The following RHBG variants were observed in gnomAD, a reference collection of about 807,000 sequenced individuals.
The protein encoded by RHBG is Rh family B glycoprotein.
A neutral mutation model predicts 40.1 loss-of-function variants in RHBG; 39 were observed. The observed-to-expected ratio is 0.97, with a 90% CI of 0.75 to 1.27. The LOEUF is 1.27. Among genes scored for constraint, RHBG ranks in the 50% most tolerant of loss-of-function variants. RHBG has a pLI of 0.00. For missense variants in RHBG, 549 were observed against 588.1 expected (o/e 0.93, Z 0.69); for synonymous variants, 237 against 252.5 (o/e 0.94, Z 0.58).
In RHBG at chr1:156,378,404, G is replaced by A; in HGVS notation, c.673+5G>A. 6.3e-7 allele frequency: 1 copy of A among 1,587,872 alleles called. No individual in the cohort carries two copies. Among genetic ancestry groups the A allele is most frequent in the South Asian group, 1.2e-5 (1 of 86,950 alleles). On this transcript the variant is annotated splice_donor_5th_base_variant and intron_variant, in intron 4 of 9. Transcript: ENST00000537040. ...CAGACCTCTTCGCCATGATTGGTGA[G>A]GCCTTCGAGGTGCGGTAGCAGGGCA...
Position 156,369,384 on chromosome 1 carries a change from G to T in RHBG, c.135G>T (p.Trp45Cys). The change falls in exon 1 of 10, where the codon TGG becomes TGT. Residue 45 changes from tryptophan to cysteine, a missense_variant. This residue lies in a region of RHBG where 99 missense variants were observed against 85.2 expected (regional missense o/e 1.16). Transcript: ENST00000537040. ...ACCACAAAACCGACGCTGCCCTCTG[G>T]CACCGGAGCAACCACAGTAACGCGG... is the stretch of plus-strand genomic sequence containing the variant. ...RYNHKTDAAL[W>C]HRSNHSNADN... is the part of the protein sequence containing the mutation. 4.3e-6 allele frequency: 7 copies of T among 1,614,118 alleles called. No homozygotes were observed. The highest frequency in any genetic ancestry group is 5.9e-6 in the Non-Finnish European group (7 of 1,180,006).
chr1:156,377,898 C>CCCAAAA lies in RHBG; in HGVS notation c.375-92_375-91insCCAAAA. On this transcript the variant is annotated intron_variant, in intron 2 of 9. Coordinates refer to ENST00000537040, the MANE Select transcript of RHBG (RefSeq NM_020407.5). The surrounding 1 kb of genome is among the most constrained non-coding windows in gnomAD (Gnocchi z 4.6). ...AGAACTCCAACCCCACCCCACCCACCACATCATGCTGTCCTGGCTTCATGC... is the reference window on the plus strand; with the variant it reads ...AGAACTCCAACCCCACCCCACCCACCCCAAAAACATCATGCTGTCCTGGCTTCATGC... The CCCAAAA allele has an allele frequency of 7.6e-7, 1 of 1,308,002 alleles. No individual in the cohort carries two copies. The highest frequency in any genetic ancestry group is 1.0e-6 in the Non-Finnish European group (1 of 958,498). The allele number at this position is 1,308,002 out of a possible 1,614,324, so 81.0% of individuals were successfully genotyped here. A position where few individuals can be genotyped will look rare whatever the true frequency, so the allele number is the denominator to read the frequency against.
At chr1:156,383,004 A>G in intron 8 of RHBG, 135 bp downstream of exon 8, 1 of 1,267,508 alleles carries the variant, frequency 7.9e-7, no homozygotes, top group Non-Finnish European at 1.1e-6. Flanking sequence ...GTTAAGGGGT[A>G]ACCAACCTCC....
At chr1:156,383,032 A>G (rs1253437907) in intron 8 of RHBG, among the ~76,000 whole-genome samples, 163 bp downstream of exon 8, 2 of 152,230 alleles carry the variant, frequency 1.3e-5, no homozygotes, top group Non-Finnish European at 2.9e-5. Flanking sequence ...ACAGAGGTGC[A>G]TGCAGGTGCT....
rs370660351 is a variant in RHBG at position 156,369,351 on chromosome 1, C to T, written c.102C>T (p.Val34=). ...CTGCCGTCCTCTTTGCTGTCTTTGT[C>T]CGCTACAACCACAAAACCGACGCTG... The part of the protein sequence containing the change: ...GATAVLFAVF[V]RYNHKTDAAL... The change falls in exon 1 of 10, where the codon GTC becomes GTT. Residue 34 remains valine (V), a synonymous_variant. Coordinates refer to ENST00000537040, the MANE Select transcript of RHBG (RefSeq NM_020407.5). 1.2e-6 allele frequency: 2 copies of T among 1,614,224 alleles called. No homozygotes were observed. Among genetic ancestry groups the T allele is most frequent in the African/African-American group, 1.3e-5 (1 of 75,070 alleles).
intron 1 of RHBG, among the ~76,000 whole-genome samples, chr1:156,373,214 G>A (rs1020022376): frequency 2.0e-5 from 3 of 152,092 alleles, no homozygotes; most frequent in East Asian, 1.9e-4. Flanking sequence ...TTGAAGCCAG[G>A]AGTTTGAGGC....
intron 1 of RHBG, among the ~76,000 whole-genome samples, chr1:156,374,185 C>T (rs775373729): frequency 6.6e-6 from 1 of 152,022 alleles, no homozygotes; most frequent in Non-Finnish European, 1.5e-5. Context: ...TGTGAGGGAT[C>T]TAGATTGTGC....
In RHBG at chr1:156,383,608, A is replaced by G. The variant is rs138246004; in HGVS notation, c.1234+739A>G. 4.0e-3 allele frequency among the ~76,000 whole-genome samples: 605 copies of G among 150,028 alleles called. 3 individuals carry two copies. Among genetic ancestry groups the G allele is most frequent in the African/African-American group, 0.014 (580 of 40,552 alleles). ...TACACTCTTTTAAAAAGAGATTCCC[A>G]GGTGATTTGATTGCATGTTAACGTC... On this transcript the variant is annotated intron_variant, in intron 8 of 9. Coordinates refer to ENST00000537040, the MANE Select transcript of RHBG (RefSeq NM_020407.5).
intron 4 of RHBG, among the ~76,000 whole-genome samples, chr1:156,380,657 C>T (rs1430075929): frequency 7.4e-6 from 1 of 135,994 alleles, no homozygotes; most frequent in Non-Finnish European, 1.5e-5. Flanking sequence ...ACCTGGGAGG[C>T]AGAGATTGCA....
At position 156,377,318 on chromosome 1, in the gene RHBG, G is replaced by A; in HGVS notation, c.205G>A (p.Ala69Thr). The A allele has an allele frequency of 6.2e-7, 1 of 1,614,152 alleles. No homozygotes were observed. Among genetic ancestry groups the A allele is most frequent in the South Asian group, 1.1e-5 (1 of 91,082 alleles). The stretch of plus-strand genomic sequence containing the variant: ...CGCTGCAGGCTTCCAGGACGTGCAT[G>A]CCATGGTCTTCGTGGGCTTTGGCTT... ...FRYPSFQDVH[A>T]MVFVGFGFLM... Residue 69 changes from alanine to threonine, a missense_variant, in exon 2 of 10, where the codon GCC becomes ACC. Transcript: ENST00000537040. This position sits in a 1 kb window ranked among gnomAD's most constrained non-coding sequence, Gnocchi z 4.6.
chr1:156,369,798 A>G (rs1292067859), intron 1 of RHBG, among the ~76,000 whole-genome samples: 2 of 152,030 alleles, frequency 1.3e-5, no homozygotes, highest in Non-Finnish European at 2.9e-5. Flanking sequence ...CAGTTGGCCT[A>G]ATTGGGCTTT....
At chr1:156,375,288 G>A (rs1300956272) in intron 1 of RHBG, among the ~76,000 whole-genome samples, 1 of 152,032 alleles carries the variant, frequency 6.6e-6, no homozygotes, top group Non-Finnish European at 1.5e-5. Context: ...GGCCAGGCTG[G>A]TCTTGAACTC....
chr1:156,377,448 A>C lies in RHBG; in HGVS notation c.335A>C (p.His112Pro), dbSNP rs746872237. 4.9e-5 allele frequency: 79 copies of C among 1,611,044 alleles called. No individual in the cohort carries two copies. The East Asian group carries it at 1.7e-3, about 36-fold the overall frequency. The change falls in exon 2 of 10, where the codon CAC becomes CCC. Residue 112 changes from histidine to proline, a missense_variant. Transcript: ENST00000537040. This position sits in a 1 kb window ranked among gnomAD's most constrained non-coding sequence, Gnocchi z 4.6. Reference protein sequence around the residue: ...QWSTLVQGFLHSFHGGHIHVG... With the variant: ...QWSTLVQGFLPSFHGGHIHVG... ...TCCACACTGGTCCAGGGCTTTCTCC[A>C]CTCCTTCCACGGTGGCCACATCCAT...
chr1:156,381,496 G>C lies in RHBG; in HGVS notation c.823G>C (p.Asp275His). The change falls in exon 5 of 10, where the codon GAT (aspartate) becomes CAT (histidine). Residue 275 changes from aspartate to histidine, a missense_variant. Physicochemically the swap from Asp to His is moderately conservative, Grantham distance 81. Coordinates refer to ENST00000537040, the MANE Select transcript of RHBG (RefSeq NM_020407.5). ...TGCCTTGTCAGCCCTTGTAGGGGAA[G>C]ATGGGAGGCTTGACATGGTATGGGG... ...TFALSALVGE[D>H]GRLDMVHIQN... 6.2e-7 allele frequency: 1 copy of C among 1,611,598 alleles called. No individual in the cohort carries two copies. Among genetic ancestry groups the C allele is most frequent in the Non-Finnish European group, 8.5e-7 (1 of 1,178,442 alleles).
rs965360931 is a variant in RHBG at position 156,384,855 on chromosome 1, A to C, written c.*10A>C. ...AGACACTCAGGCCTAACCCACTGCC[A>C]GCCCCTGAGAGGACACGCTCCTTTT... On this transcript the variant is annotated 3_prime_UTR_variant, in exon 10 of 10. Transcript: ENST00000537040. 1.7e-5 allele frequency: 26 copies of C among 1,567,740 alleles called. No individual in the cohort carries two copies. Among genetic ancestry groups the C allele is most frequent in the Non-Finnish European group, 2.3e-5 (26 of 1,140,480 alleles).
At chr1:156,378,549 C>A in intron 4 of RHBG, 150 bp downstream of exon 4, 2 of 863,728 alleles carry the variant, frequency 2.3e-6, no homozygotes, top group South Asian at 1.8e-5. Flanking sequence ...AGCTCTGGGA[C>A]CTGCCTGCAC....
chr1:156,382,291 A>T lies in RHBG; in HGVS notation c.1112+90A>T, dbSNP rs1414164796. Reference sequence around the variant, plus strand: ...TCACTGTGTGTGACCAAGAAAAAAGAATGAATTCATTCATTCATCCATATT... The same window carrying T: ...TCACTGTGTGTGACCAAGAAAAAAGTATGAATTCATTCATTCATCCATATT... On this transcript the variant is annotated intron_variant, in intron 7 of 9. Coordinates refer to ENST00000537040, the MANE Select transcript of RHBG (RefSeq NM_020407.5). 3 of 1,584,766 alleles carry T rather than the reference A, an allele frequency of 1.9e-6. No individual in the cohort carries two copies. In the East Asian group the frequency reaches 6.7e-5, roughly 36 times the overall value.
intron 1 of RHBG, chr1:156,371,648 A>G (rs1167232098): frequency 6.5e-6 from 1 of 154,520 alleles, no homozygotes; most frequent in Non-Finnish European, 1.4e-5. Flanking sequence ...CTCCCTCCCC[A>G]TATTTCATCC....
At chr1:156,380,390 T>A (rs1667538284) in intron 4 of RHBG, among the ~76,000 whole-genome samples, 1 of 151,978 alleles carries the variant, frequency 6.6e-6, no homozygotes, top group Admixed American at 6.6e-5. Context: ...CATGACCCAC[T>A]GTGCCCGGCC....
Sources: allele counts gnomAD v4.1 joint callset (sites outside exome capture counted in the v4.1 genomes callset), GRCh38; gene constraint gnomAD v4.1.1; regional missense constraint gnomAD v4.1.1; non-coding constraint Gnocchi (gnomAD v3.1); transcripts MANE v1.5; gene names NCBI Gene and HGNC (gene_info 2026-07-23, HGNC 2026-07-21).